CADPS: variants seen among roughly 807,000 people sequenced by gnomAD.
The protein encoded by CADPS is calcium dependent secretion activator, also known as calcium-dependent secretion activator 1.
CADPS carries 57 observed loss-of-function variants against 167.3 expected under a neutral mutation model. The observed-to-expected ratio is 0.34, with a 90% CI of 0.28 to 0.42. The LOEUF (loss-of-function observed/expected upper bound fraction) is 0.42, where lower values mean the gene tolerates loss of function less well. Among genes scored for constraint, CADPS ranks in the 20% least tolerant of loss-of-function variants. CADPS has a pLI of 1.00. For missense variants in CADPS, 1,414 were observed against 1,738.1 expected (o/e 0.81, Z 3.32); for synonymous variants, 676 against 635.3 (o/e 1.06, Z -0.96).
intron 29 of CADPS, among the ~76,000 whole-genome samples, chr3:62,402,028 G>A (rs1344270410): frequency 6.6e-6 from 1 of 152,004 alleles, no homozygotes; most frequent in African/African-American, 2.4e-5. Context: ...AATGAGGCTG[G>A]GTCCATAGTC....
chr3:62,782,696 G>A (rs1001657602), intron 1 of CADPS, among the ~76,000 whole-genome samples: 2 of 151,936 alleles, frequency 1.3e-5, no homozygotes, highest in Admixed American at 6.6e-5. Flanking sequence ...AAGTGGCCTC[G>A]AAAATTATCT....
rs574781592 is a variant in CADPS at position 62,528,525 on chromosome 3, T to C, written c.2291+4346A>G. On this transcript the variant is annotated intron_variant, in intron 13 of 29. Transcript: ENST00000383710. ...GCACCTTCGAAAACATTTTTATTTA[T>C]GAAACCTGACGATGGACTATTTCAC... 1.4e-4 allele frequency among the ~76,000 whole-genome samples: 21 copies of C among 152,308 alleles called. 1 individual carries two copies. In the South Asian group the frequency reaches 4.3e-3, roughly 32 times the overall value.
intron 6 of CADPS, among the ~76,000 whole-genome samples, chr3:62,625,029 G>C (rs1011751525): frequency 2.8e-5 from 4 of 144,640 alleles, no homozygotes; most frequent in South Asian, 2.1e-4. Flanking sequence ...ATGGGAGACA[G>C]AGTGGTCCCC....
At chr3:62,682,561 C>T (rs758175449) in intron 3 of CADPS, among the ~76,000 whole-genome samples, 1 of 152,036 alleles carries the variant, frequency 6.6e-6, no homozygotes, top group African/African-American at 2.4e-5. Context: ...CACTTTGCTA[C>T]TGAACAGAAT....
intron 29 of CADPS, among the ~76,000 whole-genome samples, chr3:62,401,086 T>C (rs1705917030): frequency 6.6e-6 from 1 of 152,182 alleles, no homozygotes; most frequent in African/African-American, 2.4e-5. Flanking sequence ...TCCTCAATCA[T>C]GCATCAACCT....
At chr3:62,577,897 T>C (rs1358656409) in intron 8 of CADPS, among the ~76,000 whole-genome samples, 1 of 152,126 alleles carries the variant, frequency 6.6e-6, no homozygotes, top group East Asian at 1.9e-4. Flanking sequence ...ATCACAAAGA[T>C]ATTCAGCTAA....
chr3:62,488,602 C>T (rs149966654), intron 21 of CADPS, among the ~76,000 whole-genome samples: 2,053 of 152,190 alleles, frequency 0.013, 41 homozygotes, highest in African/African-American at 0.045. Flanking sequence ...AAGCAATCCT[C>T]CCACCTCAGC....
chr3:62,546,965 A>G (rs1473980782), intron 11 of CADPS, among the ~76,000 whole-genome samples: 5 of 152,142 alleles, frequency 3.3e-5, no homozygotes, highest in Non-Finnish European at 1.5e-5. Flanking sequence ...TAACTACCCA[A>G]TGATACCATG....
chr3:62,658,681 A>C (rs2072367247), intron 4 of CADPS, among the ~76,000 whole-genome samples: 1 of 152,132 alleles, frequency 6.6e-6, no homozygotes, highest in African/African-American at 2.4e-5. Flanking sequence ...AGTGCTTCCC[A>C]ATTCATAATG....
At chr3:62,788,310 A>G (rs1356779501) in intron 1 of CADPS, among the ~76,000 whole-genome samples, 2 of 152,108 alleles carry the variant, frequency 1.3e-5, no homozygotes, top group Non-Finnish European at 2.9e-5. Flanking sequence ...TGTTACTTCA[A>G]TTTCCTCTAG....
intron 1 of CADPS, among the ~76,000 whole-genome samples, chr3:62,797,231 A>G (rs1029082726): frequency 6.6e-6 from 1 of 152,064 alleles, no homozygotes; most frequent in Admixed American, 6.6e-5. Flanking sequence ...TTCTTGAGGA[A>G]TGGCAGTTAC....
chr3:62,790,837 A>G (rs10490888), intron 1 of CADPS, among the ~76,000 whole-genome samples: 26,513 of 152,140 alleles, frequency 0.17, 2,666 homozygotes, highest in Middle Eastern at 0.3. Flanking sequence ...CAAAGGGACC[A>G]GAGAGTGTCT....
chr3:62,759,670 T>C (rs1038657221), intron 2 of CADPS, among the ~76,000 whole-genome samples: 3 of 152,098 alleles, frequency 2.0e-5, no homozygotes, highest in African/African-American at 7.2e-5. Context: ...CAAATAGTTA[T>C]CTTGACATGC....
intron 1 of CADPS, among the ~76,000 whole-genome samples, chr3:62,785,260 G>C (rs73842265): frequency 0.064 from 9,729 of 152,102 alleles, 1,034 homozygotes; most frequent in African/African-American, 0.22. Flanking sequence ...TGGTGGGAGT[G>C]GTGGCGGGGT....
At chr3:62,627,282 G>C (rs114289939) in intron 6 of CADPS, among the ~76,000 whole-genome samples, 2,324 of 152,072 alleles carry the variant, frequency 0.015, 59 homozygotes, top group African/African-American at 0.053. Flanking sequence ...AATTATAACT[G>C]AGCTCAATTT....
chr3:62,728,018 T>C (rs973029536), intron 3 of CADPS, among the ~76,000 whole-genome samples: 4 of 151,874 alleles, frequency 2.6e-5, no homozygotes, highest in Admixed American at 2.0e-4. Flanking sequence ...CCTTTGATTA[T>C]GTTTATAACT....
intron 3 of CADPS, among the ~76,000 whole-genome samples, chr3:62,696,076 G>C (rs934164623): frequency 6.6e-6 from 1 of 152,104 alleles, no homozygotes; most frequent in Non-Finnish European, 1.5e-5. Context: ...ACATATAAAA[G>C]TGTAGGTCTG....
chr3:62,710,704 T>C (rs938522325), intron 3 of CADPS, among the ~76,000 whole-genome samples: 11 of 152,116 alleles, frequency 7.2e-5, no homozygotes, highest in African/African-American at 2.7e-4. Context: ...TTCTAGAACA[T>C]TGGACTTCCC....
chr3:62,649,541 G>GTTTTTTTTTT (rs1212818484), intron 5 of CADPS, among the ~76,000 whole-genome samples: 8 of 75,006 alleles, frequency 1.1e-4, no homozygotes, highest in African/African-American at 3.4e-4. Flanking sequence ...ACAATATGTG[G>GTTTTTTTTTT]TCTTTTTTTT....
Sources: gnomAD v4.1 joint callset for allele counts (sites outside exome capture counted in the v4.1 genomes callset) on GRCh38, gnomAD v4.1.1 for gene constraint, MANE v1.5 for transcripts, NCBI Gene and HGNC (gene_info 2026-07-23, HGNC 2026-07-21) for gene names.